Variants in OR9Q1 observed in about 807,000 individuals in gnomAD.
OR9Q1 encodes olfactory receptor 9Q1.
For synonymous variants in OR9Q1, 153 were observed against 148.6 expected, an observed-to-expected ratio of 1.03 and a Z score of -0.22; for missense variants, 374 against 378.8, an observed-to-expected ratio of 0.99 and a Z score of 0.11.
intron 2 of OR9Q1, among the ~76,000 whole-genome samples, chr11:58,069,263 C>A (rs1853463190): frequency 6.6e-6 from 1 of 152,148 alleles, no homozygotes; most frequent in Non-Finnish European, 1.5e-5. Context: ...ACTTGAGGGC[C>A]AGTCTCGTAG....
At chr11:58,065,895 T>G (rs1853424358) in intron 2 of OR9Q1, among the ~76,000 whole-genome samples, 1 of 152,184 alleles carries the variant, frequency 6.6e-6, no homozygotes, top group Admixed American at 6.5e-5. Context: ...GACAATGTCT[T>G]GAAGACACAC....
At chr11:58,122,439 G>C (rs920053044) in intron 2 of OR9Q1, among the ~76,000 whole-genome samples, 1 of 152,116 alleles carries the variant, frequency 6.6e-6, no homozygotes, top group Non-Finnish European at 1.5e-5. Context: ...CATGGACTTC[G>C]CTTTCTATTC....
chr11:58,034,311 T>C (rs769578965), intron 1 of OR9Q1, among the ~76,000 whole-genome samples: 8 of 151,890 alleles, frequency 5.3e-5, no homozygotes, highest in Non-Finnish European at 1.0e-4. Flanking sequence ...ATGGTCTCGA[T>C]CTTCTGACCT....
At chr11:58,127,231 T>C (rs934360433) in intron 2 of OR9Q1, among the ~76,000 whole-genome samples, 3 of 152,294 alleles carry the variant, frequency 2.0e-5, no homozygotes, top group Non-Finnish European at 2.9e-5. Context: ...ATTACAGGCA[T>C]GAGCCACCGT....
chr11:58,154,379 A>ATTTTTTTTTTTTTT (rs3085835), intron 2 of OR9Q1, among the ~76,000 whole-genome samples: 1 of 140,954 alleles, frequency 7.1e-6, no homozygotes, highest in Non-Finnish European at 1.6e-5. Flanking sequence ...AATGCAATGG[A>ATTTTTTTTTTTTTT]TTTTTTTTTT....
chr11:58,117,173 T>G (rs1176793765), intron 2 of OR9Q1: 6 of 152,236 alleles, frequency 3.9e-5, no homozygotes, highest in Admixed American at 1.3e-4. Flanking sequence ...ATATTGAACA[T>G]CTGATTAGTG....
chr11:58,040,015 C>A (rs566726063), intron 1 of OR9Q1, among the ~76,000 whole-genome samples: 43 of 152,290 alleles, frequency 2.8e-4, no homozygotes, highest in Non-Finnish European at 5.9e-4. Flanking sequence ...ATCATGAAGT[C>A]AGTGCTATTA....
At chr11:58,080,624 C>T (rs907175998) in intron 2 of OR9Q1, among the ~76,000 whole-genome samples, 2 of 152,148 alleles carry the variant, frequency 1.3e-5, no homozygotes, top group East Asian at 3.8e-4. Flanking sequence ...ATAAGCATTC[C>T]CTTTTTCCAC....
chr11:58,093,937 T>G (rs1853707743), intron 2 of OR9Q1, among the ~76,000 whole-genome samples: 1 of 152,116 alleles, frequency 6.6e-6, no homozygotes, highest in Non-Finnish European at 1.5e-5. Flanking sequence ...GCAATCCCAC[T>G]ACTGGATATC....
rs1565098688 is a variant in OR9Q1 at position 58,179,887 on chromosome 11, C to T, written c.443C>T (p.Ala148Val). The T allele has an allele frequency of 1.9e-6, 3 of 1,614,022 alleles. No homozygotes were observed. The highest frequency in any genetic ancestry group is 2.5e-6 in the Non-Finnish European group (3 of 1,180,028). ...QQARLSLVAG[A>V]YVAGLISALV... The stretch of plus-strand genomic sequence containing the variant: ...GCCCGCTTGAGTCTTGTGGCTGGGG[C>T]TTACGTTGCTGGTCTCATCAGTGCC... Residue 148 changes from alanine to valine, a missense_variant, in exon 3 of 3, where the codon GCT (alanine) becomes GTT (valine). By Grantham distance (64) the Ala-to-Val change is moderately conservative. Transcript: ENST00000335397.
At position 58,119,066 on chromosome 11, in the gene OR9Q1, G is replaced by A. The variant is rs562617878; in HGVS notation, c.-14-60365G>A. ...GCCACGGTATAGAGCAGTGGGTTGC[G>A]AATGGCAGCATAGCGATCATAGGCC... On this transcript the variant is annotated intron_variant, in intron 2 of 2. Coordinates refer to ENST00000335397, the MANE Select transcript of OR9Q1 (RefSeq NM_001005212.4). 1.9e-4 allele frequency: 313 copies of A among 1,613,992 alleles called. 6 individuals carry two copies. The South Asian group carries it at 3.1e-3, about 16-fold the overall frequency.
At chr11:58,164,432 C>G (rs1185339120) in intron 2 of OR9Q1, among the ~76,000 whole-genome samples, 1 of 152,056 alleles carries the variant, frequency 6.6e-6, no homozygotes, top group Non-Finnish European at 1.5e-5. Flanking sequence ...TGCTCTTTTT[C>G]TATATCCTCA....
intron 2 of OR9Q1, among the ~76,000 whole-genome samples, chr11:58,156,437 C>CTTTG (rs1854408351): frequency 1.3e-5 from 2 of 152,134 alleles, no homozygotes; most frequent in East Asian, 3.9e-4. Flanking sequence ...TTCAAAACTA[C>CTTTG]TTTGTTAGTA....
At chr11:58,134,744 G>A (rs1854175227) in intron 2 of OR9Q1, among the ~76,000 whole-genome samples, 1 of 152,108 alleles carries the variant, frequency 6.6e-6, no homozygotes. Flanking sequence ...ATATCCCTAT[G>A]GCAACTTGGT....
chr11:58,173,434 G>A (rs887637538), intron 2 of OR9Q1, among the ~76,000 whole-genome samples: 1 of 151,304 alleles, frequency 6.6e-6, no homozygotes, highest in Non-Finnish European at 1.5e-5. Flanking sequence ...ATGATTTCCA[G>A]TTTCATCCAT....
At chr11:58,137,949 T>C (rs567384324) in intron 2 of OR9Q1, among the ~76,000 whole-genome samples, 5 of 152,332 alleles carry the variant, frequency 3.3e-5, no homozygotes, top group Admixed American at 1.3e-4. Context: ...AGAGAGACCA[T>C]TGTGTTATAG....
At chr11:58,034,252 A>T (rs1041543224) in intron 1 of OR9Q1, among the ~76,000 whole-genome samples, 4 of 151,248 alleles carry the variant, frequency 2.6e-5, no homozygotes, top group African/African-American at 9.7e-5. Flanking sequence ...TGCCTGGCTA[A>T]TTTTTTTTAT....
At position 58,119,925 on chromosome 11, in the gene OR9Q1, A is replaced by G. The variant is rs1854010540; in HGVS notation, c.-14-59506A>G. Among the ~76,000 whole-genome samples the G allele has an allele frequency of 2.0e-5, 3 of 152,150 alleles. No homozygotes were observed. The South Asian group carries it at 6.2e-4, about 32-fold the overall frequency. The stretch of plus-strand genomic sequence containing the variant: ...TAGTTTTACCCCTTCTAGATACAGC[A>G]ATTTTAATCACTTCTTCTTATGAAA... On this transcript the variant is annotated intron_variant, in intron 2 of 2. Coordinates refer to ENST00000335397, the MANE Select transcript of OR9Q1 (RefSeq NM_001005212.4).
intron 2 of OR9Q1, among the ~76,000 whole-genome samples, chr11:58,165,409 G>T (rs1854491331): frequency 6.6e-6 from 1 of 152,150 alleles, no homozygotes; most frequent in Non-Finnish European, 1.5e-5. Context: ...GGACTGTTTA[G>T]GCAACAGTCT....
Sources: gnomAD v4.1 joint callset for allele counts (sites outside exome capture counted in the v4.1 genomes callset) on GRCh38, gnomAD v4.1.1 for gene constraint, MANE v1.5 for transcripts, NCBI Gene and HGNC (gene_info 2026-07-23, HGNC 2026-07-21) for gene names.